DOP1A: variants seen among roughly 807,000 people sequenced by gnomAD.
The protein encoded by DOP1A is DOP1 leucine zipper like protein A.
In DOP1A, 90 loss-of-function variants were observed where a neutral mutation model predicts 267.6. That is an observed-to-expected ratio of 0.34 (90% CI 0.28 to 0.40). The LOEUF (loss-of-function observed/expected upper bound fraction) is 0.40, where lower values mean the gene tolerates loss of function less well. DOP1A is among the 10% of genes least tolerant of loss of function. The pLI is 1.00. For missense variants in DOP1A, 2,437 were observed against 2,900.4 expected (o/e 0.84, Z 3.67); for synonymous variants, 932 against 999.1 (o/e 0.93, Z 1.27).
chr6:83,130,166 G>A lies in DOP1A; in HGVS notation c.2385G>A (p.Met795Ile). The stretch of plus-strand genomic sequence containing the variant: ...CTCCACAGTGGCTCCAGACTCTGAT[G>A]AATGCTTGCAGCCAAGCAAGTGATT... ...VQPPQWLQTL[M>I]NACSQASDFS... The change falls in exon 17 of 39, where the codon ATG (methionine) becomes ATA (isoleucine). Residue 795 changes from methionine to isoleucine, a missense_variant. Met to Ile is a conservative substitution (Grantham distance 10, BLOSUM62 1). Transcript: ENST00000349129. 1 of 1,614,064 alleles carries A rather than the reference G, an allele frequency of 6.2e-7. No homozygotes were observed. The highest frequency in any genetic ancestry group is 8.5e-7 in the Non-Finnish European group (1 of 1,179,962).
intron 1 of DOP1A, among the ~76,000 whole-genome samples, chr6:83,073,679 CAG>C (rs1562262165): frequency 6.6e-6 from 1 of 152,166 alleles, no homozygotes; most frequent in Non-Finnish European, 1.5e-5. Flanking sequence ...CAATTTTTGT[CAG>C]AGGGGATAGG....
chr6:83,093,612 A>G (rs2128106669), intron 1 of DOP1A, among the ~76,000 whole-genome samples: 1 of 152,314 alleles, frequency 6.6e-6, no homozygotes, highest in African/African-American at 2.4e-5. Context: ...CACCTATTTA[A>G]AGTATGTAAT....
chr6:83,068,081 G>T (rs985531078), intron 1 of DOP1A, among the ~76,000 whole-genome samples: 2 of 152,224 alleles, frequency 1.3e-5, no homozygotes, highest in African/African-American at 2.4e-5. Context: ...GGGGAGCCGG[G>T]GACAGGTCCC....
chr6:83,132,433 C>A, intron 18 of DOP1A, 105 bp downstream of exon 18: 1 of 1,244,852 alleles, frequency 8.0e-7, no homozygotes, highest in Non-Finnish European at 1.1e-6. Context: ...CAATTAACAT[C>A]GGAGTAAGAG....
At chr6:83,141,897 T>G in intron 23 of DOP1A, 24 bp from the exon 24 acceptor site, 1 of 1,574,666 alleles carries the variant, frequency 6.4e-7, no homozygotes, top group Non-Finnish European at 8.6e-7. Flanking sequence ...AAGTTTCACT[T>G]TCATTTGCTT....
chr6:83,139,299 C>A, intron 21 of DOP1A, 137 bp downstream of exon 21: 7 of 614,362 alleles, frequency 1.1e-5, no homozygotes, highest in African/African-American at 1.8e-5. Context: ...TTACTTTCCA[C>A]AAAAAAGAAA....
At chr6:83,119,645 G>C in intron 8 of DOP1A, 103 bp from the exon 9 acceptor site, 1 of 794,122 alleles carries the variant, frequency 1.3e-6, no homozygotes, top group Non-Finnish European at 2.1e-6. Flanking sequence ...CTACTAATTG[G>C]TAAGTGTTTA....
chr6:83,068,002 T>C (rs778875368), intron 1 of DOP1A, among the ~76,000 whole-genome samples: 1 of 151,966 alleles, frequency 6.6e-6, no homozygotes, highest in Non-Finnish European at 1.5e-5. Flanking sequence ...GGGCCAGGGC[T>C]GGGGCCGGGG....
chr6:83,157,054 A>G, intron 34 of DOP1A, 128 bp from the exon 35 acceptor site: 1 of 811,792 alleles, frequency 1.2e-6, no homozygotes, highest in Non-Finnish European at 1.9e-6. Flanking sequence ...AAATATCTAC[A>G]ACAGTTTTGA....
downstream of DOP1A, chr6:83,170,308 T>C: frequency 1.2e-6 from 2 of 1,614,056 alleles, no homozygotes; most frequent in Non-Finnish European, 1.7e-6. Flanking sequence ...AGCTTACTTG[T>C]GAGTCTGCTT....
chr6:83,083,449 A>G (rs908702207), intron 1 of DOP1A, among the ~76,000 whole-genome samples: 9 of 151,752 alleles, frequency 5.9e-5, no homozygotes, highest in African/African-American at 2.2e-4. Flanking sequence ...TCAGAAAGAT[A>G]CTGATTAAGG....
At chr6:83,126,153 T>C (rs1777119685) in intron 15 of DOP1A, among the ~76,000 whole-genome samples, 2 of 150,980 alleles carry the variant, frequency 1.3e-5, no homozygotes, top group South Asian at 4.2e-4. Context: ...ACAGCACATC[T>C]TCGTGCTGAT....
intron 6 of DOP1A, 57 bp from the exon 7 acceptor site, chr6:83,113,266 G>T (rs1925782): frequency 5.9e-5 from 82 of 1,384,450 alleles, no homozygotes; most frequent in Non-Finnish European, 7.6e-5. Flanking sequence ...TCACATTTTC[G>T]TGGCAAAAAT....
intron 1 of DOP1A, among the ~76,000 whole-genome samples, chr6:83,068,269 T>C (rs973605895): frequency 6.6e-6 from 1 of 152,178 alleles, no homozygotes; most frequent in African/African-American, 2.4e-5. Flanking sequence ...ATGTTCTCCG[T>C]GGGGCTTAGA....
intron 25 of DOP1A, among the ~76,000 whole-genome samples, chr6:83,145,997 C>T (rs1780584872): frequency 6.6e-6 from 1 of 152,158 alleles, no homozygotes; most frequent in South Asian, 2.1e-4. Context: ...CAGTTGTTGC[C>T]ATTTTTCATA....
At chr6:83,141,392 C>A (rs1779634706) in intron 23 of DOP1A, among the ~76,000 whole-genome samples, 1 of 152,104 alleles carries the variant, frequency 6.6e-6, no homozygotes, top group South Asian at 2.1e-4. Context: ...CCATGTCAAG[C>A]TGTCAAATTG....
chr6:83,133,557 A>T (rs1250211015), intron 18 of DOP1A, among the ~76,000 whole-genome samples: 1 of 152,090 alleles, frequency 6.6e-6, no homozygotes, highest in Non-Finnish European at 1.5e-5. Context: ...GACAATTTCT[A>T]CTTGATTTAT....
chr6:83,165,740 C>T (rs888754610), intron 38 of DOP1A: 31 of 236,500 alleles, frequency 1.3e-4, no homozygotes, highest in South Asian at 5.4e-4. Flanking sequence ...CTTCATAGCC[C>T]AATTAGTTCA....
At chr6:83,140,491 A>G in intron 23 of DOP1A, 88 bp downstream of exon 23, 3 of 1,088,714 alleles carry the variant, frequency 2.8e-6, no homozygotes, top group Non-Finnish European at 3.9e-6. Context: ...TAATTTGTGT[A>G]GTATTTACAG....
Sources: gnomAD v4.1 joint callset for allele counts (sites outside exome capture counted in the v4.1 genomes callset) on GRCh38, gnomAD v4.1.1 for gene constraint, MANE v1.5 for transcripts, NCBI Gene and HGNC (gene_info 2026-07-23, HGNC 2026-07-21) for gene names.